Variants in KNDC1 observed in about 807,000 individuals in gnomAD.
KNDC1 encodes kinase non-catalytic C-lobe domain-containing protein 1.
In KNDC1, 106 loss-of-function variants were observed where a neutral mutation model predicts 172.8. The observed-to-expected ratio is 0.61, with a 90% CI of 0.52 to 0.72. The LOEUF (loss-of-function observed/expected upper bound fraction) is 0.72. KNDC1 is among the 30% of genes least tolerant of loss of function. The pLI, the probability that KNDC1 is intolerant of heterozygous loss-of-function variation, is 0.00. For synonymous variants in KNDC1, 1,083 were observed against 1,062.2 expected (o/e 1.02, Z -0.38); for missense variants, 2,325 against 2,394.5 (o/e 0.97, Z 0.61).
intron 3 of KNDC1, among the ~76,000 whole-genome samples, chr10:133,175,072 T>A (rs1591227292): frequency 7.2e-6 from 1 of 139,386 alleles, no homozygotes; most frequent in Admixed American, 7.2e-5. Context: ...AATGGATGGG[T>A]GGGTGGATGG....
In KNDC1 at chr10:133,186,431, C is replaced by T. The variant is rs1201406936; in HGVS notation, c.1083C>T (p.Cys361=). Residue 361 remains cysteine, a synonymous_variant, in exon 6 of 30, where the codon TGC becomes TGT. Transcript: ENST00000304613. ...GLSSFQAQPK[C]RLWPEQEPEH... is the part of the protein sequence containing the mutation. ...CTAGCTTCCAGGCTCAGCCCAAATG[C>T]AGGCTGTGGCCGGAGCAGGAGCCGG... 1.2e-6 allele frequency: 2 copies of T among 1,612,550 alleles called. No homozygotes were observed. Among genetic ancestry groups the T allele is most frequent in the Non-Finnish European group, 1.7e-6 (2 of 1,179,900 alleles).
intron 29 of KNDC1, among the ~76,000 whole-genome samples, chr10:133,222,050 G>A (rs1845604109): frequency 1.5e-5 from 1 of 67,910 alleles, no homozygotes; most frequent in Non-Finnish European, 4.5e-5. Context: ...GGGAGGCCGA[G>A]GCGGGCGGAT....
In KNDC1 at chr10:133,191,487, G is replaced by A. The variant is rs900399353; in HGVS notation, c.1575+1674G>A. On this transcript the variant is annotated intron_variant, in intron 9 of 29. Coordinates refer to ENST00000304613, the MANE Select transcript of KNDC1 (RefSeq NM_152643.8). ...GGCCAAGGCAGGTCGATCACCTGAC[G>A]TTAGGAGTTTGAGACCACCCTCGCC... Among the ~76,000 whole-genome samples, 5 of 152,274 alleles carry A rather than the reference G, an allele frequency of 3.3e-5. No homozygotes were observed. In the South Asian group the frequency reaches 6.2e-4, roughly 19 times the overall value.
chr10:133,196,736 C>T (rs757555712), intron 10 of KNDC1, among the ~76,000 whole-genome samples: 4 of 152,098 alleles, frequency 2.6e-5, no homozygotes, highest in Non-Finnish European at 5.9e-5. Context: ...CAGGAGTGGC[C>T]GGGGGCAGGG....
In KNDC1 at chr10:133,195,771, A is replaced by G. The variant is rs933695318; in HGVS notation, c.1684A>G (p.Met562Val). 1 of 1,605,012 alleles carries G rather than the reference A, an allele frequency of 6.2e-7. No individual in the cohort carries two copies. The part of the protein sequence containing the change: ...PRRLKTLLLD[M>V]ARRSAPERPS... ...CAGGCTCAAGACCCTCCTCCTGGAC[A>G]TGGCCAGGCGCAGTGCCCCGGAGCG... Residue 562 changes from methionine (M) to valine (V), a missense_variant, in exon 10 of 30, where the codon ATG becomes GTG. Transcript: ENST00000304613.
In KNDC1 at chr10:133,220,130, C is replaced by A. The variant is rs770867113; in HGVS notation, c.5018+18C>A. On this transcript the variant is annotated intron_variant, in intron 29 of 29. Coordinates refer to ENST00000304613, the MANE Select transcript of KNDC1 (RefSeq NM_152643.8). The stretch of plus-strand genomic sequence containing the variant: ...AAGCTCAGGTGAGGAGGGGCTCAGG[C>A]GGCCGCGCGCCCAGGAGAGGAGGGG... The A allele has an allele frequency of 8.6e-6, 13 of 1,510,176 alleles. 1 individual carries two copies. In the South Asian group the frequency reaches 1.5e-4, roughly 17 times the overall value. 93.5% of individuals were successfully genotyped at this position (1,510,176 alleles called of 1,614,324 possible).
chr10:133,181,924 G>A (rs1026833814), intron 3 of KNDC1, among the ~76,000 whole-genome samples: 31 of 152,254 alleles, frequency 2.0e-4, no homozygotes, highest in African/African-American at 6.7e-4. Context: ...AGTGTGGGGT[G>A]CTGGGTGCAC....
At chr10:133,167,658 T>C (rs1853217520) in intron 2 of KNDC1, 79 bp downstream of exon 2, 2 of 1,427,964 alleles carry the variant, frequency 1.4e-6, no homozygotes, top group Non-Finnish European at 9.5e-7. Context: ...GAGCACTGGC[T>C]CTGCCGGAGC....
intron 3 of KNDC1, among the ~76,000 whole-genome samples, chr10:133,177,281 TG>T (rs920581079): frequency 6.6e-6 from 1 of 152,194 alleles, no homozygotes; most frequent in African/African-American, 2.4e-5. Context: ...GTATGTGGTC[TG>T]GCATATGTGT....
intron 6 of KNDC1, among the ~76,000 whole-genome samples, chr10:133,188,018 T>C (rs1342161647): frequency 6.6e-6 from 1 of 151,116 alleles, no homozygotes; most frequent in Admixed American, 6.6e-5. Context: ...GTGTGTCTGG[T>C]CTCTTCACTG....
intron 26 of KNDC1, among the ~76,000 whole-genome samples, chr10:133,216,798 G>T (rs956801726): frequency 6.6e-6 from 1 of 152,370 alleles, no homozygotes; most frequent in Non-Finnish European, 1.5e-5. Flanking sequence ...ACGGAGAGAA[G>T]AACAGATAAA....
rs1845715623 is a variant in KNDC1, at chr10:133,226,276, CAG to C, written c.*1387_*1388del. On this transcript the variant is annotated 3_prime_UTR_variant, in exon 30 of 30. Transcript: ENST00000304613. ...ATTTTCAGATTTTGTATCTAACAGACAGTGCTCAGTGCAAATCAACATTCCAG... is the reference window on the plus strand; with the variant it reads ...ATTTTCAGATTTTGTATCTAACAGACTGCTCAGTGCAAATCAACATTCCAG... The C allele has an allele frequency of 1.3e-5, 2 of 152,210 alleles. No individual in the cohort carries two copies. Among genetic ancestry groups the C allele is most frequent in the Admixed American group, 1.3e-4 (2 of 15,286 alleles). 9.4% of individuals were successfully genotyped at this position (152,210 alleles called of 1,614,324 possible).
chr10:133,200,430 T>TA lies in KNDC1; in HGVS notation c.2959_2960insA (p.Ser987TyrfsTer63). Reference sequence around the variant, plus strand: ...GGGCAGCCAAAGCCCCCGCTCCCCGTCCAGCAAGAGGCCGTCGCTGCACCG... The same window carrying TA: ...GGGCAGCCAAAGCCCCCGCTCCCCGTACCAGCAAGAGGCCGTCGCTGCACCG... On this transcript the variant is annotated frameshift_variant, in exon 16 of 30. Transcript: ENST00000304613. LOFTEE classifies it high-confidence loss of function. The TA allele has an allele frequency of 6.3e-7, 1 of 1,596,068 alleles. No individual in the cohort carries two copies. Among genetic ancestry groups the TA allele is most frequent in the Non-Finnish European group, 8.5e-7 (1 of 1,172,460 alleles).
At chr10:133,208,486 G>A (rs1422110080) in intron 20 of KNDC1, among the ~76,000 whole-genome samples, 3 of 40,264 alleles carry the variant, frequency 7.5e-5, no homozygotes, top group Admixed American at 2.4e-4. Context: ...AGAGAGGGAC[G>A]TGGGCCCCCA....
rs2998139 is a variant in KNDC1, at chr10:133,198,658, T to C, written c.2150T>C (p.Leu717Pro). 912,932 of 1,598,926 alleles carry C rather than the reference T, an allele frequency of 0.57. 261,850 individuals are homozygous for C. Among genetic ancestry groups the C allele is most frequent in the East Asian group, 0.64 (28,192 of 44,278 alleles). Residue 717 changes from leucine to proline, a missense_variant, in exon 14 of 30, where the codon CTG becomes CCG. Leu to Pro is a moderately conservative substitution (Grantham distance 98). Coordinates refer to ENST00000304613, the MANE Select transcript of KNDC1 (RefSeq NM_152643.8). ...GGAGAAGGTGAGGAGAAGCTCTCCCTGGAGGCCCACGCTGGGTCCCCCAGC... is the reference window on the plus strand; with the variant it reads ...GGAGAAGGTGAGGAGAAGCTCTCCCCGGAGGCCCACGCTGGGTCCCCCAGC... The part of the protein sequence containing the change: ...REGEGEEKLS[L>P]EAHAGSPSLK...
intron 1 of KNDC1, among the ~76,000 whole-genome samples, chr10:133,165,257 G>A (rs1362945286): frequency 1.3e-5 from 2 of 152,222 alleles, no homozygotes; most frequent in Admixed American, 6.5e-5. Context: ...GGGTGCTGGG[G>A]CTCCAGGTGT....
intron 23 of KNDC1, 83 bp downstream of exon 23, chr10:133,211,941 A>G (rs1589771606): frequency 1.1e-5 from 15 of 1,348,244 alleles, no homozygotes; most frequent in Non-Finnish European, 1.5e-5. Context: ...CAACTGGTGC[A>G]TGCACACACA....
intron 26 of KNDC1, 27 bp from the exon 27 acceptor site, chr10:133,218,804 G>C (rs762480142): frequency 6.2e-7 from 1 of 1,605,444 alleles, no homozygotes; most frequent in Non-Finnish European, 8.5e-7. Context: ...ACCAGAAGAC[G>C]CTGAATGTGT....
chr10:133,217,574 A>G (rs1050287648), intron 26 of KNDC1, among the ~76,000 whole-genome samples: 2 of 151,810 alleles, frequency 1.3e-5, no homozygotes, highest in Admixed American at 1.3e-4. Context: ...TACAAAAATT[A>G]TCACGCCTGT....
Sources: allele counts gnomAD v4.1 joint callset (sites outside exome capture counted in the v4.1 genomes callset), GRCh38; gene constraint gnomAD v4.1.1; transcripts MANE v1.5; gene names NCBI Gene and HGNC (gene_info 2026-07-23, HGNC 2026-07-21).